The following ZFYVE9 variants were observed in gnomAD, a reference collection of about 807,000 sequenced individuals.
ZFYVE9 encodes zinc finger FYVE domain-containing protein 9.
In ZFYVE9, 43 loss-of-function variants were observed where a neutral mutation model predicts 126.7. The observed-to-expected ratio is 0.34, with a 90% CI of 0.27 to 0.44. The LOEUF (loss-of-function observed/expected upper bound fraction) is 0.44, where lower values mean the gene tolerates loss of function less well. Among genes scored for constraint, ZFYVE9 ranks in the 20% least tolerant of loss-of-function variants. The probability of loss-of-function intolerance (pLI) is 1.00; values close to 1 mark genes in which losing one functional copy is unlikely to be tolerated. For missense variants in ZFYVE9, 1,476 were observed against 1,697.0 expected, an observed-to-expected ratio of 0.87 and a Z score of 2.29; for synonymous variants, 521 against 597.4, an observed-to-expected ratio of 0.87 and a Z score of 1.87.
chr1:52,161,433 G>A (rs1572064336), intron 1 of ZFYVE9, among the ~76,000 whole-genome samples: 1 of 152,268 alleles, frequency 6.6e-6, no homozygotes, highest in African/African-American at 2.4e-5. Flanking sequence ...GGGACAGCAA[G>A]CACGCACTAC....
At chr1:52,169,530 T>C (rs1026674042) in intron 1 of ZFYVE9, among the ~76,000 whole-genome samples, 2 of 152,354 alleles carry the variant, frequency 1.3e-5, no homozygotes, top group East Asian at 3.9e-4. Flanking sequence ...CATTAGAATG[T>C]AATCTCTGCG....
intron 1 of ZFYVE9, among the ~76,000 whole-genome samples, chr1:52,205,067 ATTTTTTTTT>A (rs891218048): frequency 3.4e-5 from 4 of 117,788 alleles, no homozygotes; most frequent in African/African-American, 1.4e-4. Flanking sequence ...TGTGCTGTGA[ATTTTTTTTT>A]TTTTTTTTTT....
intron 4 of ZFYVE9, among the ~76,000 whole-genome samples, chr1:52,251,453 T>C (rs1353160904): frequency 2.6e-5 from 4 of 152,034 alleles, no homozygotes; most frequent in African/African-American, 9.7e-5. Flanking sequence ...TGAATTGAGA[T>C]GATCATTTGG....
chr1:52,193,796 ACGCACGCGCG>A (rs1644837187), intron 1 of ZFYVE9, among the ~76,000 whole-genome samples: 1 of 150,556 alleles, frequency 6.6e-6, no homozygotes, highest in African/African-American at 2.5e-5. Flanking sequence ...TCAAACACAC[ACGCACGCGCG>A]CACACACACA....
At chr1:52,204,666 G>A (rs1348409123) in intron 1 of ZFYVE9, among the ~76,000 whole-genome samples, 1 of 152,152 alleles carries the variant, frequency 6.6e-6, no homozygotes. Context: ...GGTGAAGGTT[G>A]CAGTGAGCTG....
chr1:52,258,421 T>C (rs570037094), intron 4 of ZFYVE9, among the ~76,000 whole-genome samples: 33 of 137,738 alleles, frequency 2.4e-4, no homozygotes, highest in African/African-American at 8.8e-4. Flanking sequence ...CTGAGGTTGC[T>C]ACTGGCATTT....
At chr1:52,247,362 A>G (rs4394585) in intron 4 of ZFYVE9, among the ~76,000 whole-genome samples, 44,411 of 152,140 alleles carry the variant, frequency 0.29, 8,192 homozygotes, top group East Asian at 0.62. Flanking sequence ...TACATTCTAA[A>G]TACTAGTCAC....
At chr1:52,209,081 AC>A (rs1645004498) in intron 1 of ZFYVE9, among the ~76,000 whole-genome samples, 1 of 152,222 alleles carries the variant, frequency 6.6e-6, no homozygotes, top group Non-Finnish European at 1.5e-5. Flanking sequence ...ATCCTGAGAA[AC>A]CTTAATAGTC....
In ZFYVE9 at chr1:52,306,448, G is replaced by A. The variant is rs1046555259; in HGVS notation, c.3438+2523G>A. On this transcript the variant is annotated intron_variant, in intron 13 of 18. Transcript: ENST00000287727. ...CCCACCCCAGGCCCTCCTCTATTAC[G>A]TCACTCATAAAGCTCCTCTTCACTT... Among the ~76,000 whole-genome samples the A allele has an allele frequency of 3.9e-5, 6 of 152,166 alleles. No individual in the cohort carries two copies. In the South Asian group the frequency reaches 6.2e-4, roughly 16 times the overall value.
At chr1:52,167,260 G>A (rs1644522438) in intron 1 of ZFYVE9, among the ~76,000 whole-genome samples, 1 of 152,106 alleles carries the variant, frequency 6.6e-6, no homozygotes, top group Non-Finnish European at 1.5e-5. Context: ...CATAGGATGT[G>A]CAGTGATCCA....
At chr1:52,289,699 T>A (rs1645898979) in intron 10 of ZFYVE9, among the ~76,000 whole-genome samples, 2 of 152,226 alleles carry the variant, frequency 1.3e-5, no homozygotes, top group South Asian at 4.1e-4. Flanking sequence ...TTTGCCAATA[T>A]CTACACCTGT....
chr1:52,300,179 G>A lies in ZFYVE9; in HGVS notation c.3334-3642G>A, dbSNP rs147091732. 1.8e-3 allele frequency among the ~76,000 whole-genome samples: 271 copies of A among 152,306 alleles called. 2 individuals are homozygous for A. The highest frequency in any genetic ancestry group is 6.0e-3 in the African/African-American group (251 of 41,568). On this transcript the variant is annotated intron_variant, in intron 12 of 18. Transcript: ENST00000287727. ...GCATACTTCCACAGCCACTCCAGTT[G>A]AAATATAGTTTGTTTATTGTTGTTT...
intron 9 of ZFYVE9, among the ~76,000 whole-genome samples, chr1:52,281,273 C>T (rs2147816590): frequency 6.6e-6 from 1 of 151,834 alleles, no homozygotes; most frequent in East Asian, 1.9e-4. Flanking sequence ...GCTGGGACTA[C>T]AGGCGCCCGC....
chr1:52,188,895 T>C (rs1261926712), intron 1 of ZFYVE9, among the ~76,000 whole-genome samples: 1 of 152,128 alleles, frequency 6.6e-6, no homozygotes, highest in Non-Finnish European at 1.5e-5. Context: ...GTTTTCACAG[T>C]CATGCGGTAA....
At chr1:52,344,723 A>G in intron 17 of ZFYVE9, 45 bp from the exon 18 acceptor site, 1 of 1,603,302 alleles carries the variant, frequency 6.2e-7, no homozygotes, top group Non-Finnish European at 8.5e-7. Context: ...TACTTCTCCC[A>G]AAATCTAGGC....
intron 17 of ZFYVE9, among the ~76,000 whole-genome samples, 195 bp downstream of exon 17, chr1:52,340,426 G>A (rs1569788285): frequency 6.6e-6 from 1 of 152,236 alleles, no homozygotes. Flanking sequence ...CCTGTCTGAT[G>A]TATCCTCCTT....
At position 52,237,906 on chromosome 1, in the gene ZFYVE9, A is replaced by G. The variant is rs200739181; in HGVS notation, c.489A>G (p.Gln163=). The G allele has an allele frequency of 1.2e-6, 2 of 1,614,020 alleles. No homozygotes were observed. Among genetic ancestry groups the G allele is most frequent in the Non-Finnish European group, 1.7e-6 (2 of 1,179,944 alleles). The change falls in exon 4 of 19, where the codon CAA becomes CAG. Residue 163 remains glutamine (Q), a synonymous_variant. Coordinates refer to ENST00000287727, the MANE Select transcript of ZFYVE9 (RefSeq NM_004799.4). ...VMHNCDKRTL[Q]NDLQDCNNYN... The stretch of plus-strand genomic sequence containing the variant: ...ATAACTGTGATAAAAGGACATTACA[A>G]AACGATTTACAGGATTGTAATAATT...
At chr1:52,341,479 T>A (rs1646437028) in intron 17 of ZFYVE9, among the ~76,000 whole-genome samples, 1 of 152,156 alleles carries the variant, frequency 6.6e-6, no homozygotes, top group Non-Finnish European at 1.5e-5. Context: ...CCCCAAGAGG[T>A]CTGAGAAAAA....
At chr1:52,320,327 C>G (rs1646227716) in intron 13 of ZFYVE9, among the ~76,000 whole-genome samples, 1 of 152,118 alleles carries the variant, frequency 6.6e-6, no homozygotes, top group South Asian at 2.1e-4. Flanking sequence ...ACCTCGGCCT[C>G]CCAATGTGCT....
Sources: gnomAD v4.1 joint callset for allele counts (sites outside exome capture counted in the v4.1 genomes callset) on GRCh38, gnomAD v4.1.1 for gene constraint, MANE v1.5 for transcripts, NCBI Gene and HGNC (gene_info 2026-07-23, HGNC 2026-07-21) for gene names.